Variants in DLG2 observed in about 807,000 individuals in gnomAD.
The protein encoded by DLG2 is disks large homolog 2.
A neutral mutation model predicts 132.5 loss-of-function variants in DLG2; 45 were observed. The ratio of observed to expected loss-of-function variants is 0.34; its 90% CI spans 0.27 to 0.44. The LOEUF (loss-of-function observed/expected upper bound fraction) is 0.44, where lower values mean the gene tolerates loss of function less well. Among genes scored for constraint, DLG2 ranks in the 20% least tolerant of loss-of-function variants. DLG2 has a pLI of 1.00. For missense variants in DLG2, 1,045 were observed against 1,196.9 expected (o/e 0.87, Z 1.87); for synonymous variants, 424 against 419.6 (o/e 1.01, Z -0.13).
At chr11:85,383,707 T>C (rs1361901631) in intron 3 of DLG2, among the ~76,000 whole-genome samples, 1 of 152,176 alleles carries the variant, frequency 6.6e-6, no homozygotes, top group East Asian at 1.9e-4. Context: ...AACAATGATT[T>C]TCAGAAAAAG....
intron 7 of DLG2, among the ~76,000 whole-genome samples, chr11:84,301,715 T>G: frequency 9.6e-6 from 1 of 103,692 alleles, no homozygotes; most frequent in East Asian, 2.8e-4. Flanking sequence ...TGTGGAGAAA[T>G]AGGAACACTT....
Position 84,692,069 on chromosome 11 carries a change from A to G in DLG2, c.358-157338T>C, listed in dbSNP as rs57522938. 1.7e-3 allele frequency among the ~76,000 whole-genome samples: 261 copies of G among 151,820 alleles called. 3 individuals carry two copies. Among genetic ancestry groups the G allele is most frequent in the African/African-American group, 5.8e-3 (241 of 41,482 alleles). On this transcript the variant is annotated intron_variant, in intron 6 of 27. Transcript: ENST00000376104. ...TTATTGCATGTTTTTCTCCACCACC[A>G]GACCAGAAAATTTTCTTTTAGCCTC...
intron 20 of DLG2, among the ~76,000 whole-genome samples, chr11:83,539,731 G>A (rs2096005601): frequency 6.6e-6 from 1 of 151,950 alleles, no homozygotes; most frequent in Non-Finnish European, 1.5e-5. Flanking sequence ...CAACCTTGCA[G>A]TCACTAATCA....
At chr11:85,068,607 C>A (rs2154165599) in intron 6 of DLG2, among the ~76,000 whole-genome samples, 1 of 152,054 alleles carries the variant, frequency 6.6e-6, no homozygotes, top group South Asian at 2.1e-4. Flanking sequence ...ACGTGAAGGA[C>A]CTCTTCAAGG....
At chr11:84,274,226 GTC>G (rs1333532924) in intron 7 of DLG2, among the ~76,000 whole-genome samples, 6 of 152,222 alleles carry the variant, frequency 3.9e-5, no homozygotes, top group Non-Finnish European at 8.8e-5. Context: ...AGTCCCTAAT[GTC>G]TCTGTAGGAT....
chr11:85,292,115 T>G (rs1322314806), intron 3 of DLG2, among the ~76,000 whole-genome samples: 2 of 152,184 alleles, frequency 1.3e-5, no homozygotes, highest in African/African-American at 4.8e-5. Flanking sequence ...GGGAGTCAGA[T>G]AAATGTTCAT....
intron 7 of DLG2, among the ~76,000 whole-genome samples, chr11:84,347,704 G>C (rs1293647662): frequency 1.3e-5 from 2 of 152,182 alleles, no homozygotes; most frequent in African/African-American, 4.8e-5. Context: ...ATGATGTTCA[G>C]AGATGCAGAG....
chr11:84,880,040 A>T (rs1221236285), intron 6 of DLG2, among the ~76,000 whole-genome samples: 1 of 152,152 alleles, frequency 6.6e-6, no homozygotes, highest in Non-Finnish European at 1.5e-5. Flanking sequence ...GTGATTTTTT[A>T]AAAAAGCACA....
intron 10 of DLG2, among the ~76,000 whole-genome samples, chr11:84,091,454 T>C (rs1401741418): frequency 6.6e-6 from 1 of 152,180 alleles, no homozygotes; most frequent in African/African-American, 2.4e-5. Flanking sequence ...TTGCTTTTGA[T>C]TGATTGTGCT....
intron 3 of DLG2, among the ~76,000 whole-genome samples, chr11:85,423,169 T>C (rs1358065781): frequency 6.6e-6 from 1 of 152,186 alleles, no homozygotes; most frequent in East Asian, 1.9e-4. Context: ...TTCCTATGGA[T>C]GTGGCTTCCT....
At chr11:84,704,134 T>C (rs981345766) in intron 6 of DLG2, among the ~76,000 whole-genome samples, 1 of 151,262 alleles carries the variant, frequency 6.6e-6, no homozygotes, top group African/African-American at 2.4e-5. Flanking sequence ...AAGACAAGTC[T>C]TCAGGAAGTT....
chr11:84,816,802 T>A (rs1302465610), intron 6 of DLG2, among the ~76,000 whole-genome samples: 1 of 151,880 alleles, frequency 6.6e-6, no homozygotes, highest in Non-Finnish European at 1.5e-5. Context: ...ATACATGAAA[T>A]CTCTGTGTAA....
chr11:84,254,616 C>T (rs1012542338), intron 7 of DLG2, among the ~76,000 whole-genome samples: 7 of 152,146 alleles, frequency 4.6e-5, no homozygotes, highest in African/African-American at 1.4e-4. Flanking sequence ...ACTACTTTTC[C>T]AATATCCAAT....
chr11:84,997,477 A>T (rs1274579151), intron 6 of DLG2: 2 of 152,118 alleles, frequency 1.3e-5, no homozygotes, highest in African/African-American at 4.8e-5. Context: ...TGCTGTACAC[A>T]TTGGGGCAGA....
intron 7 of DLG2, among the ~76,000 whole-genome samples, chr11:84,409,754 A>G (rs1461141723): frequency 2.0e-5 from 3 of 152,178 alleles, no homozygotes; most frequent in African/African-American, 4.8e-5. Flanking sequence ...ATTCCAGATC[A>G]ATATGTTTAA....
At chr11:85,488,997 T>A (rs553416361) in intron 3 of DLG2, among the ~76,000 whole-genome samples, 5 of 151,030 alleles carry the variant, frequency 3.3e-5, no homozygotes, top group African/African-American at 7.3e-5. Flanking sequence ...CAAACCACAA[T>A]GACAGGGAAA....
In DLG2 at chr11:85,321,702, A is replaced by G. The variant is rs577504526; in HGVS notation, c.41-36337T>C. On this transcript the variant is annotated intron_variant, in intron 3 of 27. Coordinates refer to ENST00000376104, the MANE Select transcript of DLG2 (RefSeq NM_001142699.3). The stretch of plus-strand genomic sequence containing the variant: ...CAGGAAGCCAAATAGAGTTAAATGT[A>G]TCAAGGAGGAGGAAAGGATCAACTG... Among the ~76,000 whole-genome samples the G allele has an allele frequency of 2.6e-5, 4 of 152,168 alleles. No homozygotes were observed. The South Asian group carries it at 6.2e-4, about 24-fold the overall frequency.
intron 6 of DLG2, among the ~76,000 whole-genome samples, chr11:84,590,959 T>A (rs1439926129): frequency 6.6e-6 from 1 of 152,232 alleles, no homozygotes; most frequent in Non-Finnish European, 1.5e-5. Context: ...AACTGGATTA[T>A]GCAGCTCTCT....
At chr11:83,955,355 G>A (rs138772295) in intron 14 of DLG2, among the ~76,000 whole-genome samples, 91 of 151,472 alleles carry the variant, frequency 6.0e-4, no homozygotes, top group East Asian at 2.1e-3. Context: ...TTCTAAAGCC[G>A]GGTCAGTTGC....
Sources: allele counts gnomAD v4.1 joint callset (sites outside exome capture counted in the v4.1 genomes callset), GRCh38; gene constraint gnomAD v4.1.1; transcripts MANE v1.5; gene names NCBI Gene and HGNC (gene_info 2026-07-23, HGNC 2026-07-21).